The following MIPOL1 variants were observed in gnomAD, a reference collection of about 807,000 sequenced individuals.
MIPOL1 encodes the protein mirror-image polydactyly gene 1 protein.
In MIPOL1, 57 loss-of-function variants were observed where a neutral mutation model predicts 60.9. That is an observed-to-expected ratio of 0.94 (90% confidence interval 0.76 to 1.17). The LOEUF (loss-of-function observed/expected upper bound fraction) is 1.17. Among genes scored for constraint, MIPOL1 ranks in the 50% most tolerant of loss-of-function variants. The probability of loss-of-function intolerance (pLI) is 0.00; values close to 1 mark genes in which losing one functional copy is unlikely to be tolerated. For synonymous variants in MIPOL1, 179 were observed against 168.8 expected, an observed-to-expected ratio of 1.06 and a Z score of -0.47; for missense variants, 551 against 511.6, an observed-to-expected ratio of 1.08 and a Z score of -0.74.
intron 7 of MIPOL1, 114 bp downstream of exon 7, chr14:37,285,561 A>AT: frequency 1.0e-6 from 1 of 1,000,860 alleles, no homozygotes. Context: ...ACACTAGGAA[A>AT]TTGCATGTCT....
At chr14:37,410,370 T>TA (rs1165228165) in intron 10 of MIPOL1, among the ~76,000 whole-genome samples, 1 of 151,876 alleles carries the variant, frequency 6.6e-6, no homozygotes, top group Non-Finnish European at 1.5e-5. Flanking sequence ...TAATAAAATT[T>TA]AAAAAAAGAA....
chr14:37,255,619 A>G (rs1488522907), intron 3 of MIPOL1, among the ~76,000 whole-genome samples: 1 of 151,726 alleles, frequency 6.6e-6, no homozygotes, highest in Non-Finnish European at 1.5e-5. Context: ...ATAATTTCAG[A>G]TACAGTTTTT....
intron 6 of MIPOL1, among the ~76,000 whole-genome samples, chr14:37,274,932 A>G (rs2083541298): frequency 6.6e-6 from 1 of 151,300 alleles, no homozygotes; most frequent in Admixed American, 6.6e-5. Flanking sequence ...TACTAATTAT[A>G]TAGATAAGTA....
At chr14:37,458,403 G>A (rs1158877854) in intron 11 of MIPOL1, among the ~76,000 whole-genome samples, 1 of 152,158 alleles carries the variant, frequency 6.6e-6, no homozygotes, top group Non-Finnish European at 1.5e-5. Flanking sequence ...TTACACAATA[G>A]ATAATATGTT....
intron 12 of MIPOL1, among the ~76,000 whole-genome samples, chr14:37,516,766 T>C (rs1244926787): frequency 1.3e-5 from 2 of 152,188 alleles, no homozygotes; most frequent in Non-Finnish European, 2.9e-5. Flanking sequence ...ACTAAGTCTT[T>C]CTTTAAATTG....
At chr14:37,221,644 A>G (rs575583285) in intron 1 of MIPOL1, among the ~76,000 whole-genome samples, 15 of 152,270 alleles carry the variant, frequency 9.9e-5, no homozygotes, top group Middle Eastern at 3.4e-3. Flanking sequence ...GAAAGGGTGA[A>G]GTGCTATACA....
chr14:37,279,474 G>A (rs2083923207), intron 6 of MIPOL1, among the ~76,000 whole-genome samples: 1 of 151,948 alleles, frequency 6.6e-6, no homozygotes, highest in East Asian at 1.9e-4. Context: ...TACTAAAAAT[G>A]TTTGAGAGTT....
rs2086633493 is a variant in MIPOL1 at position 37,304,643 on chromosome 14, G to A, written c.624-3413G>A. Among the ~76,000 whole-genome samples the A allele has an allele frequency of 2.6e-5, 4 of 151,764 alleles. No homozygotes were observed. The South Asian group carries it at 8.3e-4, about 31-fold the overall frequency. On this transcript the variant is annotated intron_variant, in intron 7 of 12. Transcript: ENST00000684589. ...TTGGAGGTCAACGTTTGGCATCTTA[G>A]GATTGAACAAGGTGAACGACTGTAG...
At chr14:37,524,888 CA>C (rs2095437887) in intron 12 of MIPOL1, among the ~76,000 whole-genome samples, 1 of 151,602 alleles carries the variant, frequency 6.6e-6, no homozygotes, top group Non-Finnish European at 1.5e-5. Flanking sequence ...TTTAAAAAGA[CA>C]AAGGAAGTAT....
rs866595505 is a variant in MIPOL1, at chr14:37,445,982, C to T, written c.1031+23033C>T. Reference sequence around the variant, plus strand: ...AACCATAAAAACCCTAGAAGAAAACCTAGGCATTACCATTCAGGACATAGG... The same window carrying T: ...AACCATAAAAACCCTAGAAGAAAACTTAGGCATTACCATTCAGGACATAGG... On this transcript the variant is annotated intron_variant, in intron 11 of 12. Coordinates refer to ENST00000684589, the MANE Select transcript of MIPOL1 (RefSeq NM_001388067.1). 1.7e-4 allele frequency among the ~76,000 whole-genome samples: 26 copies of T among 152,078 alleles called. 1 individual carries two copies. The South Asian group carries it at 2.7e-3, about 16-fold the overall frequency.
rs2082852939 is a variant in MIPOL1 at position 37,266,068 on chromosome 14, A to G, written c.20-870A>G. Among the ~76,000 whole-genome samples, 5 of 152,262 alleles carry G rather than the reference A, an allele frequency of 3.3e-5. No individual in the cohort carries two copies. The South Asian group carries it at 1.0e-3, about 32-fold the overall frequency. On this transcript the variant is annotated intron_variant, in intron 3 of 12. Coordinates refer to ENST00000684589, the MANE Select transcript of MIPOL1 (RefSeq NM_001388067.1). ...TTGTAATAAAACTTCAAGGGGTTAT[A>G]ATTACTAAGACCCAGGAGGGATCAA...
intron 11 of MIPOL1, among the ~76,000 whole-genome samples, chr14:37,499,536 G>GC (rs1594747541): frequency 6.6e-6 from 1 of 152,166 alleles, no homozygotes; most frequent in East Asian, 1.9e-4. Context: ...CTAAACCAAT[G>GC]CCCATTCTCT....
chr14:37,520,920 A>G (rs1273455542), intron 12 of MIPOL1, among the ~76,000 whole-genome samples: 4 of 133,356 alleles, frequency 3.0e-5, no homozygotes, highest in African/African-American at 1.1e-4. Context: ...AATTCTTAAC[A>G]TTTTACTTTT....
At chr14:37,242,573 T>C (rs1177782163) in intron 1 of MIPOL1, among the ~76,000 whole-genome samples, 1 of 152,210 alleles carries the variant, frequency 6.6e-6, no homozygotes, top group African/African-American at 2.4e-5. Context: ...TTGAGCCACA[T>C]TTTATTTATA....
At position 37,262,400 on chromosome 14, in the gene MIPOL1, C is replaced by T. The variant is rs143252488; in HGVS notation, c.20-4538C>T. 6.1e-4 allele frequency among the ~76,000 whole-genome samples: 92 copies of T among 152,008 alleles called. 1 individual carries two copies. Among genetic ancestry groups the T allele is most frequent in the African/African-American group, 2.0e-3 (83 of 41,492 alleles). ...AAATTCCATCATCACATCAAATTTG[C>T]ACTCCAATAGGAAAAGGAAGTCTTA... On this transcript the variant is annotated intron_variant, in intron 3 of 12. Coordinates refer to ENST00000684589, the MANE Select transcript of MIPOL1 (RefSeq NM_001388067.1).
intron 12 of MIPOL1, among the ~76,000 whole-genome samples, chr14:37,535,666 C>T (rs2095502918): frequency 1.3e-5 from 2 of 152,124 alleles, no homozygotes; most frequent in Non-Finnish European, 2.9e-5. Context: ...TGTAAAAAGA[C>T]TTCATATGAT....
chr14:37,332,863 T>TA (rs1033717842), intron 9 of MIPOL1, among the ~76,000 whole-genome samples: 5 of 152,086 alleles, frequency 3.3e-5, no homozygotes, highest in African/African-American at 1.2e-4. Context: ...GGACGAAAAA[T>TA]ACGTGAGAAC....
intron 12 of MIPOL1, among the ~76,000 whole-genome samples, chr14:37,509,512 T>C (rs554415155): frequency 5.9e-5 from 9 of 151,870 alleles, no homozygotes; most frequent in Non-Finnish European, 1.3e-4. Context: ...ACAGGATAGA[T>C]GACTCTGGGT....
intron 1 of MIPOL1, among the ~76,000 whole-genome samples, chr14:37,203,556 G>T (rs1039073583): frequency 5.9e-5 from 9 of 152,140 alleles, no homozygotes; most frequent in African/African-American, 1.9e-4. Flanking sequence ...TAGACCTAGA[G>T]GCTCACTTCT....
Sources: allele counts gnomAD v4.1 joint callset (sites outside exome capture counted in the v4.1 genomes callset), GRCh38; gene constraint gnomAD v4.1.1; transcripts MANE v1.5; gene names NCBI Gene and HGNC (gene_info 2026-07-23, HGNC 2026-07-21).